Variants in ANKHD1 observed in about 807,000 individuals in gnomAD.
ANKHD1 encodes the protein ankyrin repeat and KH domain containing 1.
ANKHD1 carries 31 observed loss-of-function variants against 230.5 expected under a neutral mutation model. The ratio of observed to expected loss-of-function variants is 0.13; its 90% CI spans 0.10 to 0.18. The LOEUF (loss-of-function observed/expected upper bound fraction) is 0.18. ANKHD1 is among the 10% of genes least tolerant of loss of function. The pLI, the probability that ANKHD1 is intolerant of heterozygous loss-of-function variation, is 1.00. For synonymous variants in ANKHD1, 1,074 were observed against 1,117.6 expected, an observed-to-expected ratio of 0.96 and a Z score of 0.78; for missense variants, 2,256 against 3,071.3, an observed-to-expected ratio of 0.73 and a Z score of 6.27.
chr5:140,490,155 A>T (rs1182508342), intron 14 of ANKHD1, among the ~76,000 whole-genome samples: 1 of 152,034 alleles, frequency 6.6e-6, no homozygotes, highest in African/African-American at 2.4e-5. Context: ...CTAAGTCCAT[A>T]TATTCTGTGT....
chr5:140,516,005 G>A (rs938521424), intron 24 of ANKHD1, among the ~76,000 whole-genome samples: 4 of 152,060 alleles, frequency 2.6e-5, no homozygotes, highest in African/African-American at 9.7e-5. Context: ...TCTGAGCTAC[G>A]GGAGGAAATT....
At position 140,504,063 on chromosome 5, in the gene ANKHD1, CT is replaced by C. The variant is rs998218463; in HGVS notation, c.3005-750del. Reference sequence around the variant, plus strand: ...ACTTGTCTCCCTCCCCTCCCCCACCCTTTTTTTTAGATGTAGTCTAGCTCTG... The same window carrying C: ...ACTTGTCTCCCTCCCCTCCCCCACCCTTTTTTTAGATGTAGTCTAGCTCTG... On this transcript the variant is annotated intron_variant, in intron 15 of 33. Transcript: ENST00000360839. 1.1e-4 allele frequency among the ~76,000 whole-genome samples: 17 copies of C among 151,608 alleles called. 1 individual carries two copies. In the South Asian group the frequency reaches 2.5e-3, roughly 22 times the overall value.
rs1281550319 is a variant in ANKHD1, at chr5:140,440,120, C to T, written c.619C>T (p.Arg207Cys). The stretch of plus-strand genomic sequence containing the variant: ...ATTGTTGAATGGTTTTGTTTCCAGT[C>T]GCAGTCTAGCAGAAGCTTGTTCAGA... Reference protein sequence around the residue: ...NSHNAGQVDTRSLAEACSDGD... With the variant: ...NSHNAGQVDTCSLAEACSDGD... The change falls in exon 4 of 34, where the codon CGC (arginine) becomes TGC (cysteine). Residue 207 changes from arginine (R) to cysteine (C), a missense_variant and splice_region_variant. Transcript: ENST00000360839. 4 of 1,597,014 alleles carry T rather than the reference C, an allele frequency of 2.5e-6. No homozygotes were observed. Among genetic ancestry groups the T allele is most frequent in the East Asian group, 2.3e-5 (1 of 43,882 alleles).
intron 5 of ANKHD1, among the ~76,000 whole-genome samples, chr5:140,444,180 T>G (rs996541704): frequency 4.1e-5 from 6 of 146,276 alleles, no homozygotes; most frequent in Non-Finnish European, 9.0e-5. Flanking sequence ...TTTGATGGGC[T>G]CCTCCGTACA....
At chr5:140,504,798 G>A in intron 15 of ANKHD1, 23 bp from the exon 16 acceptor site, 1 of 1,602,148 alleles carries the variant, frequency 6.2e-7, no homozygotes. Flanking sequence ...GTGGAATTTA[G>A]CAATATGAAT....
chr5:140,412,897 A>G lies in ANKHD1; in HGVS notation c.306+10624A>G, dbSNP rs184762502. 2.0e-5 allele frequency among the ~76,000 whole-genome samples: 3 copies of G among 152,346 alleles called. No individual in the cohort carries two copies. In the East Asian group the frequency reaches 5.8e-4, roughly 29 times the overall value. ...TTTGTTGGACTGAAATTTAGCAACT[A>G]TTTGTGGAAGAGCACATTTTGCTCT... On this transcript the variant is annotated intron_variant, in intron 1 of 33. Transcript: ENST00000360839.
At position 140,529,533 on chromosome 5, in the gene ANKHD1, C is replaced by T. The variant is rs1197320213; in HGVS notation, c.6587C>T (p.Ala2196Val). Residue 2196 changes from alanine to valine, a missense_variant, in exon 29 of 34, where the codon GCA becomes GTA. Physicochemically the swap from Ala to Val is moderately conservative, Grantham distance 64 (BLOSUM62 0). Around this residue, in one of 13 missense-constraint regions of ANKHD1, gnomAD observed 778 missense variants for 966.5 expected, o/e 0.80. Coordinates refer to ENST00000360839, the MANE Select transcript of ANKHD1 (RefSeq NM_017747.3). ...GGTTCTCAGATGCACATAAACCCAG[C>T]AAATAAGTCTTTGCCACCTACATTT... ...MNGSQMHINP[A>V]NKSLPPTFGP... 2.5e-6 allele frequency: 4 copies of T among 1,614,218 alleles called. No homozygotes were observed. In the South Asian group the frequency reaches 3.3e-5, roughly 13 times the overall value.
intron 1 of ANKHD1, among the ~76,000 whole-genome samples, chr5:140,415,513 A>G (rs1387159591): frequency 7.4e-6 from 1 of 134,736 alleles, no homozygotes; most frequent in Non-Finnish European, 1.5e-5. Context: ...ATCTCGGCTC[A>G]CTGTAACCTC....
chr5:140,524,937 T>TA (rs199775607), intron 25 of ANKHD1: 19,584 of 281,794 alleles, frequency 0.069, no homozygotes, highest in South Asian at 0.12. Context: ...CGTCTCTACT[T>TA]AAAAAAAAAA....
At chr5:140,448,924 A>T (rs1774491957) in intron 6 of ANKHD1, among the ~76,000 whole-genome samples, 1 of 152,188 alleles carries the variant, frequency 6.6e-6, no homozygotes, top group Non-Finnish European at 1.5e-5. Flanking sequence ...TTGATTAGAT[A>T]AATAATTTAT....
At chr5:140,462,889 T>A (rs993932386) in intron 9 of ANKHD1, among the ~76,000 whole-genome samples, 8 of 152,106 alleles carry the variant, frequency 5.3e-5, no homozygotes, top group Non-Finnish European at 1.0e-4. Flanking sequence ...TCTGTTACCC[T>A]GGCTGGAATG....
At chr5:140,434,456 GC>G (rs555579044) in intron 1 of ANKHD1, among the ~76,000 whole-genome samples, 275 of 148,998 alleles carry the variant, frequency 1.8e-3, no homozygotes, top group Middle Eastern at 0.011. Context: ...TTACATATAT[GC>G]CATACATGTT....
intron 9 of ANKHD1, among the ~76,000 whole-genome samples, chr5:140,459,837 C>A (rs901603673): frequency 6.6e-6 from 1 of 151,980 alleles, no homozygotes; most frequent in Non-Finnish European, 1.5e-5. Flanking sequence ...TTAACTTTAA[C>A]AATTAACTGT....
rs1752509894 is a variant in ANKHD1, at chr5:140,505,761, T to C, written c.3300T>C (p.His1100=). ...TAATCCTGGCAGCAACAGCAGGGCA[T>C]GTTGGAGTTGTTGAAATCCTTTTGG... ...TPLILAATAG[H]VGVVEILLDK... Residue 1100 remains histidine (H), a synonymous_variant, in exon 18 of 34, where the codon CAT becomes CAC. Coordinates refer to ENST00000360839, the MANE Select transcript of ANKHD1 (RefSeq NM_017747.3). The C allele has an allele frequency of 6.2e-7, 1 of 1,612,956 alleles. No individual in the cohort carries two copies. Among genetic ancestry groups the C allele is most frequent in the Non-Finnish European group, 8.5e-7 (1 of 1,179,598 alleles).
At chr5:140,433,467 A>G (rs2126904217) in intron 1 of ANKHD1, among the ~76,000 whole-genome samples, 1 of 152,306 alleles carries the variant, frequency 6.6e-6, no homozygotes, top group Admixed American at 6.5e-5. Flanking sequence ...AATTCTGTGC[A>G]TCCTTCAAAG....
At chr5:140,436,043 T>A (rs745925729) in intron 1 of ANKHD1, 61 bp from the exon 2 acceptor site, 1 of 1,378,842 alleles carries the variant, frequency 7.3e-7, no homozygotes, top group Non-Finnish European at 9.5e-7. Flanking sequence ...CCTTAAATTG[T>A]AGTTATTCTA....
chr5:140,529,071 G>A lies in ANKHD1; in HGVS notation c.6125G>A (p.Cys2042Tyr), dbSNP rs1026885287. 1.2e-6 allele frequency: 2 copies of A among 1,613,956 alleles called. No individual in the cohort carries two copies. The highest frequency in any genetic ancestry group is 8.5e-7 in the Non-Finnish European group (1 of 1,180,036). Residue 2042 changes from cysteine to tyrosine, a missense_variant, in exon 29 of 34, where the codon TGT becomes TAT. Cys to Tyr is a radical substitution (Grantham distance 194, BLOSUM62 -2). Coordinates refer to ENST00000360839, the MANE Select transcript of ANKHD1 (RefSeq NM_017747.3). Reference protein sequence around the residue: ...STQDQPMANLCTPSSTANSCS... With the variant: ...STQDQPMANLYTPSSTANSCS... ...CAGGACCAGCCCATGGCAAACCTAT[G>A]TACCCCATCTTCAACTGCAAACAGT...
At chr5:140,455,800 G>C (rs562070957) in intron 7 of ANKHD1, among the ~76,000 whole-genome samples, 13 of 152,264 alleles carry the variant, frequency 8.5e-5, no homozygotes, top group African/African-American at 3.1e-4. Context: ...TTTGAAAAGT[G>C]GCACAAGACA....
At position 140,507,371 on chromosome 5, in the gene ANKHD1, G is replaced by T. The variant is rs1248447945; in HGVS notation, c.3551+394G>T. On this transcript the variant is annotated intron_variant, in intron 19 of 33. Transcript: ENST00000360839. This position sits in a 1 kb window ranked among gnomAD's most constrained non-coding sequence, Gnocchi z 4.1. ...TGCCCAGGCTGGAATGCAATGGCGC[G>T]ATCTTGGCTTACCGCGAACTCTGCC... Among the ~76,000 whole-genome samples the T allele has an allele frequency of 1.3e-5, 2 of 152,208 alleles. No individual in the cohort carries two copies. The highest frequency in any genetic ancestry group is 4.8e-5 in the African/African-American group (2 of 41,438).
Sources: gnomAD v4.1 joint callset for allele counts (sites outside exome capture counted in the v4.1 genomes callset) on GRCh38, gnomAD v4.1.1 for gene constraint, gnomAD v4.1.1 regional missense constraint, Gnocchi (gnomAD v3.1) non-coding constraint, MANE v1.5 for transcripts, NCBI Gene and HGNC (gene_info 2026-07-23, HGNC 2026-07-21) for gene names.